ZBTB11: variants seen among roughly 807,000 people sequenced by gnomAD.
ZBTB11 encodes the protein zinc finger and BTB domain containing 11.
In ZBTB11, 68 loss-of-function variants were observed where a neutral mutation model predicts 113.1. That is an observed-to-expected ratio of 0.60 (90% CI 0.49 to 0.74). The LOEUF (loss-of-function observed/expected upper bound fraction) is 0.74, where lower values mean the gene tolerates loss of function less well. Ranked by LOEUF, ZBTB11 falls within the 30% of genes least tolerant of loss-of-function variation. ZBTB11 has a pLI of 0.00. For synonymous variants in ZBTB11, 518 were observed against 452.6 expected (o/e 1.14, Z -1.83); for missense variants, 1,104 against 1,279.4 (o/e 0.86, Z 2.09).
At chr3:101,676,426 T>G (rs933681637) in intron 1 of ZBTB11, 179 bp downstream of exon 1, 7 of 622,276 alleles carry the variant, frequency 1.1e-5, no homozygotes, top group African/African-American at 5.8e-5. Flanking sequence ...CCGGCCTCCT[T>G]CCTGTGGGAA....
At chr3:101,671,511 A>G (rs2108327460) in intron 2 of ZBTB11, 150 bp from the exon 3 acceptor site, 3 of 641,384 alleles carry the variant, frequency 4.7e-6, no homozygotes, top group East Asian at 2.7e-5. Flanking sequence ...AAATAAAAAG[A>G]TATGTTGTCC....
At chr3:101,663,141 T>C (rs1221236808) in intron 5 of ZBTB11, among the ~76,000 whole-genome samples, 2 of 152,092 alleles carry the variant, frequency 1.3e-5, no homozygotes, top group East Asian at 1.9e-4. Context: ...GGTTTCACCA[T>C]GTTAGTCAGG....
At chr3:101,671,497 A>G (rs1937084743) in intron 2 of ZBTB11, 136 bp from the exon 3 acceptor site, 2 of 665,164 alleles carry the variant, frequency 3.0e-6, no homozygotes, top group Non-Finnish European at 5.1e-6. Context: ...TTACCTATGT[A>G]TTTAAATAAA....
chr3:101,665,028 A>G lies in ZBTB11; in HGVS notation c.1559T>C (p.Leu520Pro). The G allele has an allele frequency of 6.2e-7, 1 of 1,614,156 alleles. No individual in the cohort carries two copies. The highest frequency in any genetic ancestry group is 1.1e-5 in the South Asian group (1 of 91,074). The change falls in exon 4 of 11, where the codon CTA becomes CCA. Residue 520 changes from leucine to proline, a missense_variant. Around this residue, in one of 5 missense-constraint regions of ZBTB11, gnomAD observed 535 missense variants for 518.6 expected, o/e 1.03. Coordinates refer to ENST00000312938, the MANE Select transcript of ZBTB11 (RefSeq NM_014415.4). ...CAGCTTTTTCTCCATTCCCTTGTGT[A>G]GTCGAATATATGCCCCTTCATTAAC... ...RSVNEGAYIR[L>P]HKGMEKKLQK...
At chr3:101,676,233 C>G (rs1395641355) in intron 1 of ZBTB11, among the ~76,000 whole-genome samples, 1 of 152,026 alleles carries the variant, frequency 6.6e-6, no homozygotes, top group African/African-American at 2.4e-5. Flanking sequence ...AACGTGCACC[C>G]CGCAGCCTCC....
chr3:101,664,662 T>A lies in ZBTB11; in HGVS notation c.1676A>T (p.Asp559Val), dbSNP rs1936950122. ...RGKKMKQPKR[D>V]AKENTEEASH... ...TGCTTCTTCTGTGTTCTCTTTAGCA[T>A]CTCTTTTTGGCTGTTTCATCTTTTT... The change falls in exon 5 of 11, where the codon GAT becomes GTT. Residue 559 changes from aspartate (D) to valine (V), a missense_variant. Physicochemically the swap from Asp to Val is radical, Grantham distance 152. Coordinates refer to ENST00000312938, the MANE Select transcript of ZBTB11 (RefSeq NM_014415.4). 2 of 1,612,822 alleles carry A rather than the reference T, an allele frequency of 1.2e-6. No individual in the cohort carries two copies. The highest frequency in any genetic ancestry group is 4.5e-5 in the East Asian group (2 of 44,832).
At chr3:101,657,028 C>A (rs1936810399) in intron 6 of ZBTB11, among the ~76,000 whole-genome samples, 1 of 150,318 alleles carries the variant, frequency 6.7e-6, no homozygotes, top group Admixed American at 6.7e-5. Context: ...GTAATCCCAA[C>A]TACTCGGGAG....
At chr3:101,673,415 A>G (rs1404349595) in intron 1 of ZBTB11, among the ~76,000 whole-genome samples, 2 of 152,228 alleles carry the variant, frequency 1.3e-5, no homozygotes, top group Admixed American at 6.5e-5. Context: ...AAATCTTCAA[A>G]TAAGTACAAA....
At chr3:101,651,725 C>G (rs1277246401) in intron 10 of ZBTB11, 42 bp from the exon 11 acceptor site, 1 of 1,491,394 alleles carries the variant, frequency 6.7e-7, no homozygotes, top group East Asian at 2.3e-5. Flanking sequence ...GAGGTGCAAG[C>G]ACCAAAATAT....
At position 101,651,043 on chromosome 3, in the gene ZBTB11, T is replaced by C. The variant is rs1936692683; in HGVS notation, c.*123A>G. 5.0e-6 allele frequency: 6 copies of C among 1,203,040 alleles called. No homozygotes were observed. In the Middle Eastern group the frequency reaches 1.5e-3, roughly 295 times the overall value. The allele number at this position is 1,203,040 out of a possible 1,614,324, so 74.5% of individuals were successfully genotyped here. On this transcript the variant is annotated 3_prime_UTR_variant, in exon 11 of 11. Transcript: ENST00000312938. ...GACAAAATGTTTGGAAACGTTACGT[T>C]ACCAAACAGCCCAGAACTTTGATAT...
In ZBTB11 at chr3:101,671,229, C is replaced by T; in HGVS notation, c.679G>A (p.Ala227Thr). 6.2e-7 allele frequency: 1 copy of T among 1,614,156 alleles called. No homozygotes were observed. Among genetic ancestry groups the T allele is most frequent in the Non-Finnish European group, 8.5e-7 (1 of 1,180,000 alleles). ...TLLIEGEEYK[A>T]HKSVLSANSE... ...TTTGCTGACAAAACAGATTTATGAG[C>T]TTTGTACTCTTCTCCTTCAATTAAC... The change falls in exon 3 of 11, where the codon GCT (alanine) becomes ACT (threonine). Residue 227 changes from alanine to threonine, a missense_variant. Transcript: ENST00000312938.
rs760062265 is a variant in ZBTB11, at chr3:101,665,245, T to G, written c.1342A>C (p.Ser448Arg). Reference sequence around the variant, plus strand: ...ATACCACTATCCTCTGGCGAGCTACTAATTACATTCTCTTTTGAAAGTTTA... The same window carrying G: ...ATACCACTATCCTCTGGCGAGCTACGAATTACATTCTCTTTTGAAAGTTTA... Reference protein sequence around the residue: ...HPKLSKENVISSSPEDSGMGN... With the variant: ...HPKLSKENVIRSSPEDSGMGN... Residue 448 changes from serine to arginine, a missense_variant, in exon 4 of 11, where the codon AGT becomes CGT. Around this residue, in one of 5 missense-constraint regions of ZBTB11, gnomAD observed 535 missense variants for 518.6 expected, o/e 1.03. Coordinates refer to ENST00000312938, the MANE Select transcript of ZBTB11 (RefSeq NM_014415.4). The G allele has an allele frequency of 2.7e-5, 44 of 1,614,110 alleles. No homozygotes were observed. The Middle Eastern group carries it at 1.8e-3, about 66-fold the overall frequency.
intron 1 of ZBTB11, among the ~76,000 whole-genome samples, chr3:101,674,648 G>A (rs747834985): frequency 6.6e-6 from 1 of 151,942 alleles, no homozygotes; most frequent in African/African-American, 2.4e-5. Context: ...GCAGTGAGCC[G>A]ATATCGCGCC....
rs1371030170 is a variant in ZBTB11, at chr3:101,672,147, G to T, written c.377C>A (p.Ser126Tyr). The change falls in exon 2 of 11, where the codon TCC (serine) becomes TAC (tyrosine). Residue 126 changes from serine to tyrosine, a missense_variant. This residue lies in a region of ZBTB11 where 245 missense variants were observed against 272.5 expected (regional missense o/e 0.90). Coordinates refer to ENST00000312938, the MANE Select transcript of ZBTB11 (RefSeq NM_014415.4). ...TTCTGAAACATCTGATATTGGACGGGATCGATCTAGTTTCTCCTGGCATTT... is the reference window on the plus strand; with the variant it reads ...TTCTGAAACATCTGATATTGGACGGTATCGATCTAGTTTCTCCTGGCATTT... The part of the protein sequence containing the change: ...CSKCQEKLDR[S>Y]RPISDVSEML... 2.5e-5 allele frequency: 41 copies of T among 1,614,042 alleles called. No individual in the cohort carries two copies. Among genetic ancestry groups the T allele is most frequent in the Non-Finnish European group, 3.4e-5 (40 of 1,180,028 alleles).
intron 2 of ZBTB11, 78 bp from the exon 3 acceptor site, chr3:101,671,439 A>C: frequency 1.0e-6 from 1 of 964,730 alleles, no homozygotes; most frequent in Non-Finnish European, 1.6e-6. Flanking sequence ...AACAAGACAC[A>C]TTACATATTA....
chr3:101,659,435 G>C (rs1936850516), intron 6 of ZBTB11, among the ~76,000 whole-genome samples: 1 of 152,130 alleles, frequency 6.6e-6, no homozygotes, highest in Non-Finnish European at 1.5e-5. Flanking sequence ...GACTTTTACG[G>C]ACCACAGAGA....
chr3:101,662,520 A>G (rs1171225353), intron 5 of ZBTB11, among the ~76,000 whole-genome samples: 1 of 152,154 alleles, frequency 6.6e-6, no homozygotes, highest in Non-Finnish European at 1.5e-5. Flanking sequence ...GCTACTCGGG[A>G]GGCTGAGGCA....
intron 5 of ZBTB11, 98 bp from the exon 6 acceptor site, chr3:101,660,126 T>C: frequency 1.7e-6 from 2 of 1,187,600 alleles, no homozygotes; most frequent in South Asian, 3.0e-5. Context: ...TACAATTATA[T>C]AAATCAATAA....
intron 6 of ZBTB11, among the ~76,000 whole-genome samples, chr3:101,656,768 A>G (rs1055195684): frequency 2.6e-5 from 4 of 152,080 alleles, no homozygotes; most frequent in African/African-American, 9.7e-5. Context: ...CTATTTCTGT[A>G]CTTATTGTCC....
Sources: allele counts gnomAD v4.1 joint callset (sites outside exome capture counted in the v4.1 genomes callset), GRCh38; gene constraint gnomAD v4.1.1; regional missense constraint gnomAD v4.1.1; transcripts MANE v1.5; gene names NCBI Gene and HGNC (gene_info 2026-07-23, HGNC 2026-07-21).